The following CPLX2 variants were observed in gnomAD, a reference collection of about 807,000 sequenced individuals.
CPLX2 encodes complexin 2.
Under a neutral mutation model 16.3 loss-of-function variants are expected in CPLX2, and 5 were observed. That is an observed-to-expected ratio of 0.31 (90% CI 0.16 to 0.64). The LOEUF is 0.64. CPLX2 is among the 30% of genes least tolerant of loss of function. The pLI is 0.79. For synonymous variants in CPLX2, 89 were observed against 73.2 expected, an observed-to-expected ratio of 1.22 and a Z score of -1.10; for missense variants, 144 against 181.4, an observed-to-expected ratio of 0.79 and a Z score of 1.18.
intron 1 of CPLX2, among the ~76,000 whole-genome samples, chr5:175,876,870 C>G (rs1181259966): frequency 6.6e-6 from 1 of 152,136 alleles, no homozygotes; most frequent in Admixed American, 6.5e-5. Flanking sequence ...TTAAATCGAA[C>G]GAAAACATCT....
At chr5:175,814,735 G>A (rs1758374300) in intron 2 of CPLX2, among the ~76,000 whole-genome samples, 1 of 152,200 alleles carries the variant, frequency 6.6e-6, no homozygotes, top group South Asian at 2.1e-4. Flanking sequence ...GCTCAGGAAA[G>A]GACCAGAGCC....
At chr5:175,864,498 G>A (rs1347671953) in intron 2 of CPLX2, among the ~76,000 whole-genome samples, 1 of 152,196 alleles carries the variant, frequency 6.6e-6, no homozygotes, top group Non-Finnish European at 1.5e-5. Context: ...TTGACTGTTT[G>A]CGGGCATCTG....
chr5:175,824,501 T>G (rs1758572351), intron 2 of CPLX2, among the ~76,000 whole-genome samples: 1 of 152,172 alleles, frequency 6.6e-6, no homozygotes, highest in Non-Finnish European at 1.5e-5. Flanking sequence ...GAAAGGCAAA[T>G]GGACTTGCCC....
At chr5:175,829,178 C>A (rs1465030210) in intron 2 of CPLX2, among the ~76,000 whole-genome samples, 1 of 152,244 alleles carries the variant, frequency 6.6e-6, no homozygotes, top group African/African-American at 2.4e-5. Context: ...TCTCCATAGG[C>A]AGCCTTAAGG....
intron 1 of CPLX2, among the ~76,000 whole-genome samples, chr5:175,877,527 A>G (rs1349444361): frequency 6.6e-6 from 1 of 152,204 alleles, no homozygotes; most frequent in Admixed American, 6.5e-5. Context: ...CTTGGGGAGC[A>G]GGCCTGGCCT....
At chr5:175,840,402 T>C (rs1462908281) in intron 2 of CPLX2, among the ~76,000 whole-genome samples, 1 of 152,208 alleles carries the variant, frequency 6.6e-6, no homozygotes, top group Admixed American at 6.5e-5. Flanking sequence ...TTTAACAAGA[T>C]AGAATAGAGC....
chr5:175,850,335 A>C (rs887843045), intron 2 of CPLX2, among the ~76,000 whole-genome samples: 3 of 152,174 alleles, frequency 2.0e-5, no homozygotes, highest in African/African-American at 7.2e-5. Flanking sequence ...CTGTATGGAA[A>C]ACGCAAGTCT....
At chr5:175,839,292 G>T (rs954567949) in intron 2 of CPLX2, among the ~76,000 whole-genome samples, 1 of 151,698 alleles carries the variant, frequency 6.6e-6, no homozygotes, top group Non-Finnish European at 1.5e-5. Flanking sequence ...TTGTTTGTTT[G>T]TTTGTTTTTT....
At chr5:175,817,396 G>A (rs548913865) in intron 2 of CPLX2, among the ~76,000 whole-genome samples, 3 of 152,298 alleles carry the variant, frequency 2.0e-5, no homozygotes, top group East Asian at 3.9e-4. Flanking sequence ...GACATCACGT[G>A]TCTAATGCGT....
intron 2 of CPLX2, among the ~76,000 whole-genome samples, chr5:175,861,325 G>C (rs976015047): frequency 6.6e-6 from 1 of 152,170 alleles, no homozygotes; most frequent in East Asian, 1.9e-4. Flanking sequence ...CCAAACATAG[G>C]GTAAAAAGGG....
In CPLX2 at chr5:175,830,776, G is replaced by A. The variant is rs902445255; in HGVS notation, c.-89+21708G>A. 1.3e-5 allele frequency among the ~76,000 whole-genome samples: 2 copies of A among 152,212 alleles called. 1 individual carries two copies. Among genetic ancestry groups the A allele is most frequent in the South Asian group, 4.1e-4 (2 of 4,832 alleles). ...CCAGATCCTCACCCCTGTGGGCTGG[G>A]GGCAGCGTTCACCCTGCTCACAGCT... is the stretch of plus-strand genomic sequence containing the variant. On this transcript the variant is annotated intron_variant, in intron 2 of 4. Coordinates refer to the CPLX2 transcript ENST00000359546. This position sits in a 1 kb window ranked among gnomAD's most constrained non-coding sequence, Gnocchi z 4.0.
chr5:175,818,250 G>C (rs1193968852), intron 2 of CPLX2, among the ~76,000 whole-genome samples: 2 of 152,136 alleles, frequency 1.3e-5, no homozygotes. Context: ...ATACCAGCTA[G>C]AGGGGCACCA....
At chr5:175,839,826 G>C (rs867982988) in intron 2 of CPLX2, among the ~76,000 whole-genome samples, 1 of 152,316 alleles carries the variant, frequency 6.6e-6, no homozygotes, top group Non-Finnish European at 1.5e-5. Context: ...ACTGTAACTT[G>C]ACACAATGAC....
intron 1 of CPLX2, among the ~76,000 whole-genome samples, chr5:175,874,736 A>G (rs1759717571): frequency 6.6e-6 from 1 of 151,982 alleles, no homozygotes; most frequent in African/African-American, 2.4e-5. Flanking sequence ...AGAGAGAGGG[A>G]GGTATCTGTG....
At chr5:175,821,511 G>A (rs1758508952) in intron 2 of CPLX2, among the ~76,000 whole-genome samples, 1 of 152,052 alleles carries the variant, frequency 6.6e-6, no homozygotes. Context: ...GGGTTCAAGT[G>A]ATTCTCCCGC....
At chr5:175,879,524 T>C (rs1755516945) in intron 3 of CPLX2, among the ~76,000 whole-genome samples, 1 of 152,236 alleles carries the variant, frequency 6.6e-6, no homozygotes, top group African/African-American at 2.4e-5. Flanking sequence ...TAGTCTTCCA[T>C]TGGTTCAAGT....
chr5:175,863,125 C>T (rs532359300), intron 2 of CPLX2, among the ~76,000 whole-genome samples: 1 of 152,184 alleles, frequency 6.6e-6, no homozygotes, highest in Non-Finnish European at 1.5e-5. Flanking sequence ...CAAAGGCCTA[C>T]CCCAGAGGGA....
chr5:175,800,850 T>C (rs1447273465), intron 1 of CPLX2, among the ~76,000 whole-genome samples: 2 of 152,080 alleles, frequency 1.3e-5, no homozygotes, highest in Non-Finnish European at 2.9e-5. Context: ...AATGTGAAAA[T>C]AGACAGACAG....
intron 2 of CPLX2, among the ~76,000 whole-genome samples, chr5:175,821,621 T>C (rs1758511416): frequency 1.3e-5 from 2 of 152,152 alleles, no homozygotes; most frequent in South Asian, 4.1e-4. Context: ...CTGGCCATGC[T>C]AGTCATGAAT....
Sources: gnomAD v4.1 joint callset for allele counts (sites outside exome capture counted in the v4.1 genomes callset) on GRCh38, gnomAD v4.1.1 for gene constraint, Gnocchi (gnomAD v3.1) non-coding constraint, MANE v1.5 for transcripts, NCBI Gene and HGNC (gene_info 2026-07-23, HGNC 2026-07-21) for gene names.